The following H6PD variants were observed in gnomAD, a reference collection of about 807,000 sequenced individuals.
The protein encoded by H6PD is hexose-6-phosphate dehydrogenase/glucose 1-dehydrogenase.
In H6PD, 48 loss-of-function variants were observed where a neutral mutation model predicts 61.2. That is an observed-to-expected ratio of 0.78 (90% confidence interval 0.62 to 1.00). The LOEUF is 1.00. H6PD is among the 50% of genes least tolerant of loss of function. The probability of loss-of-function intolerance (pLI) is 0.00; values close to 1 mark genes in which losing one functional copy is unlikely to be tolerated. For missense variants in H6PD, 1,093 were observed against 1,065.0 expected (o/e 1.03, Z -0.37); for synonymous variants, 480 against 457.9 (o/e 1.05, Z -0.62).
Position 9,245,462 on chromosome 1 carries a change from T to G in H6PD, c.528T>G (p.Phe176Leu), listed in dbSNP as rs1325629910. 1 of 1,614,132 alleles carries G rather than the reference T, an allele frequency of 6.2e-7. No homozygotes were observed. Among genetic ancestry groups the G allele is most frequent in the Non-Finnish European group, 8.5e-7 (1 of 1,180,002 alleles). Reference protein sequence around the residue: ...AWLRVVLEKPFGHDHFSAQQL... With the variant: ...AWLRVVLEKPLGHDHFSAQQL... The stretch of plus-strand genomic sequence containing the variant: ...TGCGGGTTGTCCTTGAGAAACCCTT[T>G]GGCCATGACCACTTCTCAGCCCAGC... Residue 176 changes from phenylalanine (F) to leucine (L), a missense_variant, in exon 2 of 5, where the codon TTT becomes TTG. Coordinates refer to ENST00000377403, the MANE Select transcript of H6PD (RefSeq NM_004285.4). The surrounding 1 kb of genome is among the most constrained non-coding windows in gnomAD (Gnocchi z 4.8).
chr1:9,259,844 G>C (rs544879226), intron 3 of H6PD, among the ~76,000 whole-genome samples: 77 of 151,618 alleles, frequency 5.1e-4, no homozygotes, highest in African/African-American at 1.8e-3. Context: ...GTGTTGTTTT[G>C]TTGTTGTTAT....
chr1:9,264,902 G>T lies in H6PD; in HGVS notation c.*33G>T, dbSNP rs1638505164. The T allele has an allele frequency of 6.2e-7, 1 of 1,607,426 alleles. No homozygotes were observed. The highest frequency in any genetic ancestry group is 1.3e-5 in the African/African-American group (1 of 74,860). The stretch of plus-strand genomic sequence containing the variant: ...TGTGCCCCTTGCCCGCTTCGCTCCT[G>T]TGCTTTCCTTCGCCCGTGTCTTCCC... On this transcript the variant is annotated 3_prime_UTR_variant, in exon 5 of 5. Transcript: ENST00000377403.
At chr1:9,263,099 G>GC (rs1269072056) in intron 4 of H6PD, among the ~76,000 whole-genome samples, 1 of 152,052 alleles carries the variant, frequency 6.6e-6, no homozygotes, top group Non-Finnish European at 1.5e-5. Context: ...CATCCTGAAT[G>GC]CTTCACAAGC....
chr1:9,243,437 CT>C (rs1298801383), intron 1 of H6PD, among the ~76,000 whole-genome samples: 2 of 152,164 alleles, frequency 1.3e-5, no homozygotes, highest in Admixed American at 6.5e-5. Context: ...CATTCAGTTC[CT>C]TCGTCACTGC....
chr1:9,262,262 A>G lies in H6PD; in HGVS notation c.949A>G (p.Ser317Gly). Residue 317 changes from serine to glycine, a missense_variant, in exon 4 of 5, where the codon AGT becomes GGT. Ser to Gly is a moderately conservative substitution (Grantham distance 56). Coordinates refer to ENST00000377403, the MANE Select transcript of H6PD (RefSeq NM_004285.4). ...CGTCGTGGGCCAGTACCAGTCTTAC[A>G]GTGAGCAGGTGCGCAGAGAGCTGCA... ...SAVVGQYQSY[S>G]EQVRRELQKP... The G allele has an allele frequency of 1.9e-6, 3 of 1,612,136 alleles. No individual in the cohort carries two copies. Among genetic ancestry groups the G allele is most frequent in the Non-Finnish European group, 2.5e-6 (3 of 1,179,160 alleles).
chr1:9,266,073 A>C lies in H6PD; in HGVS notation c.*1204A>C, dbSNP rs17033642. On this transcript the variant is annotated 3_prime_UTR_variant, in exon 5 of 5. Coordinates refer to ENST00000377403, the MANE Select transcript of H6PD (RefSeq NM_004285.4). Reference sequence around the variant, plus strand: ...TGTTTTACCAGGAAAGATCCAGTTAAATCACCCACTGAGGTGACAGCTCAT... The same window carrying C: ...TGTTTTACCAGGAAAGATCCAGTTACATCACCCACTGAGGTGACAGCTCAT... 0.033 allele frequency: 5,071 copies of C among 152,358 alleles called. 246 individuals carry two copies. Among genetic ancestry groups the C allele is most frequent in the African/African-American group, 0.11 (4,739 of 41,538 alleles). The allele number at this position is 152,358 out of a possible 1,614,324, so 9.4% of individuals were successfully genotyped here.
At chr1:9,236,031 C>T (rs1640840848) in intron 1 of H6PD, among the ~76,000 whole-genome samples, 1 of 152,074 alleles carries the variant, frequency 6.6e-6, no homozygotes. Context: ...TAGTTGTTGC[C>T]CAAGCTGGAG....
Position 9,246,954 on chromosome 1 carries a change from C to T in H6PD, c.628-12C>T, listed in dbSNP as rs764268717. The T allele has an allele frequency of 1.3e-6, 2 of 1,584,164 alleles. No homozygotes were observed. The highest frequency in any genetic ancestry group is 1.4e-5 in the African/African-American group (1 of 73,674). The stretch of plus-strand genomic sequence containing the variant: ...GTATCCTGCAGCACGCCCAGTCTTC[C>T]CCCCCCGACAGGCTGTGGCGCAGAT... On this transcript the variant is annotated splice_polypyrimidine_tract_variant and intron_variant, in intron 2 of 4. Coordinates refer to ENST00000377403, the MANE Select transcript of H6PD (RefSeq NM_004285.4).
chr1:9,265,364 G>C lies in H6PD; in HGVS notation c.*495G>C. The C allele has an allele frequency of 4.1e-6, 1 of 243,550 alleles. No homozygotes were observed. The highest frequency in any genetic ancestry group is 8.1e-6 in the Non-Finnish European group (1 of 123,962). 15.1% of individuals were successfully genotyped at this position (243,550 alleles called of 1,614,324 possible). ...GAGTACATTGCCCCGTGCAAAGCAG[G>C]GGCATTGGGGACTGTCTTGAGACCC... On this transcript the variant is annotated 3_prime_UTR_variant, in exon 5 of 5. Coordinates refer to ENST00000377403, the MANE Select transcript of H6PD (RefSeq NM_004285.4).
intron 3 of H6PD, among the ~76,000 whole-genome samples, chr1:9,258,325 C>T (rs1438933067): frequency 6.6e-6 from 1 of 151,944 alleles, no homozygotes; most frequent in Non-Finnish European, 1.5e-5. Context: ...ATTGTTACGC[C>T]AGGGTTGTTA....
chr1:9,262,700 C>T (rs867252691), intron 4 of H6PD, among the ~76,000 whole-genome samples: 1 of 152,218 alleles, frequency 6.6e-6, no homozygotes, highest in African/African-American at 2.4e-5. Flanking sequence ...CTTCCAGCGG[C>T]CAAGTGCCAT....
At chr1:9,263,448 G>A in intron 4 of H6PD, 61 bp from the exon 5 acceptor site, 4 of 1,541,272 alleles carry the variant, frequency 2.6e-6, no homozygotes, top group South Asian at 2.2e-5. Flanking sequence ...GAGAGGAGAG[G>A]GCTGGCCGGA....
Position 9,265,092 on chromosome 1 carries a change from G to A in H6PD, c.*223G>A. ...CAGAAACAAGGAAGAAATGGAGTCTGCTCCTGAGAAGCTTCAAATTCAGGC... is the reference window on the plus strand; with the variant it reads ...CAGAAACAAGGAAGAAATGGAGTCTACTCCTGAGAAGCTTCAAATTCAGGC... On this transcript the variant is annotated 3_prime_UTR_variant, in exon 5 of 5. Transcript: ENST00000377403. 7 of 614,062 alleles carry A rather than the reference G, an allele frequency of 1.1e-5. No homozygotes were observed. The highest frequency in any genetic ancestry group is 3.8e-5 in the South Asian group (2 of 52,302). 38.0% of individuals were successfully genotyped at this position (614,062 alleles called of 1,614,324 possible).
In H6PD at chr1:9,245,489, G is replaced by A; in HGVS notation, c.555G>A (p.Gln185=). The A allele has an allele frequency of 1.2e-6, 2 of 1,614,190 alleles. No homozygotes were observed. The highest frequency in any genetic ancestry group is 1.1e-5 in the South Asian group (1 of 91,084). The part of the protein sequence containing the change: ...PFGHDHFSAQ[Q]LATELGTFFQ... ...GCCATGACCACTTCTCAGCCCAGCAGCTGGCCACAGAACTCGGGACCTTTT... is the reference window on the plus strand; with the variant it reads ...GCCATGACCACTTCTCAGCCCAGCAACTGGCCACAGAACTCGGGACCTTTT... The change falls in exon 2 of 5, where the codon CAG becomes CAA. Residue 185 remains glutamine, a synonymous_variant. Coordinates refer to ENST00000377403, the MANE Select transcript of H6PD (RefSeq NM_004285.4). This position sits in a 1 kb window ranked among gnomAD's most constrained non-coding sequence, Gnocchi z 4.8.
Position 9,269,267 on chromosome 1 carries a change from A to G in H6PD, c.*4398A>G, listed in dbSNP as rs1638673921. 1 of 152,376 alleles carries G rather than the reference A, an allele frequency of 6.6e-6. No individual in the cohort carries two copies. The highest frequency in any genetic ancestry group is 2.4e-5 in the African/African-American group (1 of 41,470). The allele number at this position is 152,376 out of a possible 1,614,324, so 9.4% of individuals were successfully genotyped here. ...GCCGTCCGCTGGCTGAACTGAACGCATTCCCTCTCTCCGCAACTCTCCCGT... is the reference window on the plus strand; with the variant it reads ...GCCGTCCGCTGGCTGAACTGAACGCGTTCCCTCTCTCCGCAACTCTCCCGT... On this transcript the variant is annotated 3_prime_UTR_variant, in exon 5 of 5. Coordinates refer to ENST00000377403, the MANE Select transcript of H6PD (RefSeq NM_004285.4). The surrounding 1 kb of genome is among the most constrained non-coding windows in gnomAD (Gnocchi z 4.3).
chr1:9,263,826 G>C lies in H6PD; in HGVS notation c.1333G>C (p.Asp445His). ...GLRLFGSPLS[D>H]YYAYSPVRER... The stretch of plus-strand genomic sequence containing the variant: ...CCGCCTTTTCGGCAGCCCTCTGTCC[G>C]ATTACTACGCCTACAGCCCTGTGCG... Residue 445 changes from aspartate (D) to histidine (H), a missense_variant, in exon 5 of 5, where the codon GAT (aspartate) becomes CAT (histidine). By Grantham distance (81) the Asp-to-His change is moderately conservative. Transcript: ENST00000377403. The C allele has an allele frequency of 6.2e-7, 1 of 1,613,906 alleles. No homozygotes were observed. The highest frequency in any genetic ancestry group is 1.6e-4 in the Middle Eastern group (1 of 6,062).
rs1057460891 is a variant in H6PD at position 9,268,594 on chromosome 1, A to T, written c.*3725A>T. ...TAAGCTAGATCAAAATCTGGGGACAAATTCTCCTGCTAACTGCAAGTTAAA... is the reference window on the plus strand; with the variant it reads ...TAAGCTAGATCAAAATCTGGGGACATATTCTCCTGCTAACTGCAAGTTAAA... On this transcript the variant is annotated 3_prime_UTR_variant, in exon 5 of 5. Transcript: ENST00000377403. 6 of 152,226 alleles carry T rather than the reference A, an allele frequency of 3.9e-5. No homozygotes were observed. Among genetic ancestry groups the T allele is most frequent in the Non-Finnish European group, 5.9e-5 (4 of 68,032 alleles). The allele number at this position is 152,226 out of a possible 1,614,324, so 9.4% of individuals were successfully genotyped here.
At chr1:9,259,390 G>T (rs1178269312) in intron 3 of H6PD, among the ~76,000 whole-genome samples, 1 of 152,170 alleles carries the variant, frequency 6.6e-6, no homozygotes, top group Non-Finnish European at 1.5e-5. Flanking sequence ...TTGTGTTGTT[G>T]TTACACTGGT....
chr1:9,244,796 C>A (rs929463636), intron 1 of H6PD, 129 bp from the exon 2 acceptor site: 4 of 873,758 alleles, frequency 4.6e-6, no homozygotes, highest in African/African-American at 3.3e-5. Flanking sequence ...AAGCTGTGGG[C>A]TTATAACATT....
Sources: allele counts gnomAD v4.1 joint callset (sites outside exome capture counted in the v4.1 genomes callset), GRCh38; gene constraint gnomAD v4.1.1; non-coding constraint Gnocchi (gnomAD v3.1); transcripts MANE v1.5; gene names NCBI Gene and HGNC (gene_info 2026-07-23, HGNC 2026-07-21).